Variants in POU2F2 observed in about 807,000 individuals in gnomAD.
POU2F2 encodes the protein POU domain, class 2, transcription factor 2.
In POU2F2, 14 loss-of-function variants were observed where a neutral mutation model predicts 63.5. That is an observed-to-expected ratio of 0.22 (90% confidence interval 0.15 to 0.34). POU2F2 has a LOEUF of 0.34. POU2F2 is among the 10% of genes least tolerant of loss of function. POU2F2 has a pLI of 1.00. For missense variants in POU2F2, 607 were observed against 815.2 expected, an observed-to-expected ratio of 0.74 and a Z score of 3.11; for synonymous variants, 306 against 348.6, an observed-to-expected ratio of 0.88 and a Z score of 1.36.
chr19:42,097,005 G>GA (rs891350078), intron 7 of POU2F2, among the ~76,000 whole-genome samples: 139 of 130,530 alleles, frequency 1.1e-3, no homozygotes, highest in East Asian at 3.1e-3. Context: ...TAAAAGTTAA[G>GA]AAAAAAAAAA....
intron 1 of POU2F2, among the ~76,000 whole-genome samples, chr19:42,171,773 A>G (rs573170032): frequency 6.6e-6 from 1 of 152,098 alleles, no homozygotes; most frequent in Admixed American, 6.5e-5. Context: ...ACAGCCCTAT[A>G]CTTTATAGGA....
At position 42,097,966 on chromosome 19, in the gene POU2F2, A is replaced by T. The variant is rs560400956; in HGVS notation, c.567+1561T>A. Among the ~76,000 whole-genome samples the T allele has an allele frequency of 7.2e-5, 11 of 152,196 alleles. No homozygotes were observed. The East Asian group carries it at 2.1e-3, about 29-fold the overall frequency. On this transcript the variant is annotated intron_variant, in intron 7 of 14. Transcript: ENST00000692977. ...TCATCCACCCACTCTCACCCCTCTC[A>T]GGTTTTGTTGTTGTTGTTGTTTTAG...
Position 42,091,536 on chromosome 19 carries a change from C to T in POU2F2, c.1596G>A (p.Leu532=), listed in dbSNP as rs1210793995. The T allele has an allele frequency of 1.3e-6, 2 of 1,547,878 alleles. No individual in the cohort carries two copies. The highest frequency in any genetic ancestry group is 1.7e-6 in the Non-Finnish European group (2 of 1,144,556). ...GGGCTGCACCGGCTGCCCCCAGCAC[C>T]AGATTCCCGCTGCCATCAAGGCTGG... ...PLTSLDGSGN[L]VLGAAGAAPG... The change falls in exon 15 of 15, where the codon CTG becomes CTA. Residue 532 remains leucine (L), a synonymous_variant. Transcript: ENST00000692977.
Position 42,095,165 on chromosome 19 carries a change from C to T in POU2F2, c.1197+121G>A, listed in dbSNP as rs1331443586. The stretch of plus-strand genomic sequence containing the variant: ...TGTGCCCATCTACGTGATGGCCTGT[C>T]TCCAAGAGTGACTCTTCTTGTCTCT... On this transcript the variant is annotated intron_variant, in intron 11 of 14. Coordinates refer to ENST00000692977, the MANE Select transcript of POU2F2 (RefSeq NM_001394376.1). The surrounding 1 kb of genome is among the most constrained non-coding windows in gnomAD (Gnocchi z 7.1). The T allele has an allele frequency of 1.6e-6, 2 of 1,283,222 alleles. No individual in the cohort carries two copies. The allele number at this position is 1,283,222 out of a possible 1,614,324, so 79.5% of individuals were successfully genotyped here.
chr19:42,091,990 T>A (rs554383414), intron 13 of POU2F2, 50 bp from the exon 14 acceptor site: 70 of 1,536,040 alleles, frequency 4.6e-5, no homozygotes, highest in Non-Finnish European at 6.0e-5. Context: ...CCTGCCAACA[T>A]AACTGGGGTG....
At chr19:42,133,394 C>A (rs970747965), upstream of POU2F2, 1 of 153,478 alleles carries the variant, frequency 6.5e-6, no homozygotes, top group African/African-American at 2.4e-5. The surrounding 1 kb of genome is among the most constrained non-coding windows in gnomAD (Gnocchi z 5.1). Flanking sequence ...ACTCCCGGCG[C>A]ACCGCAGCTC....
intron 2 of POU2F2, among the ~76,000 whole-genome samples, chr19:42,144,832 C>T (rs147743146): frequency 3.2e-4 from 49 of 152,358 alleles, no homozygotes; most frequent in African/African-American, 1.0e-3. Flanking sequence ...AAGCCAATTC[C>T]AGAGCCCAGC....
rs559108982 is a variant in POU2F2 at position 42,092,329 on chromosome 19, A to G, written c.1265-59T>C. ...GCTTCCACTCGTCCCCCACTGAGGA[A>G]CCTGGGGTCAGCTCCTACTTGTCCT... On this transcript the variant is annotated intron_variant, in intron 12 of 14. Transcript: ENST00000692977. The surrounding 1 kb of genome is among the most constrained non-coding windows in gnomAD (Gnocchi z 5.0). 7.6e-6 allele frequency: 10 copies of G among 1,323,682 alleles called. No individual in the cohort carries two copies. In the Admixed American group the frequency reaches 1.6e-4, roughly 21 times the overall value. 82.0% of individuals were successfully genotyped at this position (1,323,682 alleles called of 1,614,324 possible). A position where few individuals can be genotyped will look rare whatever the true frequency, so the allele number is the denominator to read the frequency against.
chr19:42,103,082 G>A (rs1383101366), intron 5 of POU2F2, among the ~76,000 whole-genome samples: 1 of 150,466 alleles, frequency 6.6e-6, no homozygotes, highest in African/African-American at 2.5e-5. Context: ...CTTTATACAT[G>A]CCGTTCCCTC....
chr19:42,188,246 G>C (rs1026423117), intron 1 of POU2F2, among the ~76,000 whole-genome samples: 6 of 151,450 alleles, frequency 4.0e-5, no homozygotes, highest in Non-Finnish European at 8.8e-5. Context: ...CGTGCCTGTG[G>C]TCCCAGATAC....
intron 5 of POU2F2, among the ~76,000 whole-genome samples, chr19:42,101,357 A>C (rs1411440054): frequency 1.3e-5 from 2 of 151,948 alleles, no homozygotes; most frequent in Non-Finnish European, 2.9e-5. Flanking sequence ...GCAGATGATC[A>C]AGTTAAAATG....
At chr19:42,151,310 A>G (rs910580966) in intron 2 of POU2F2, among the ~76,000 whole-genome samples, 2 of 149,372 alleles carry the variant, frequency 1.3e-5, no homozygotes, top group Non-Finnish European at 3.0e-5. Flanking sequence ...CCATGGGCAG[A>G]AGGCGGGGGT....
At chr19:42,171,893 A>G (rs1230589285) in intron 1 of POU2F2, among the ~76,000 whole-genome samples, 1 of 152,172 alleles carries the variant, frequency 6.6e-6, no homozygotes, top group African/African-American at 2.4e-5. Flanking sequence ...AAGCACACTC[A>G]TGCTCATAGA....
chr19:42,087,067 T>A lies in POU2F2; in HGVS notation c.*4190A>T, dbSNP rs1007491883. On this transcript the variant is annotated 3_prime_UTR_variant, in exon 15 of 15. Transcript: ENST00000692977. ...GCGGCTTGGAGTTTTTGTGTATTTT[T>A]TTTTATTTTTATTTTTAATTTTTTT... 2.5e-4 allele frequency: 38 copies of A among 151,770 alleles called. No homozygotes were observed. Among genetic ancestry groups the A allele is most frequent in the African/African-American group, 9.2e-4 (38 of 41,406 alleles). 9.4% of individuals were successfully genotyped at this position (151,770 alleles called of 1,614,324 possible). A position where few individuals can be genotyped will look rare whatever the true frequency, so the allele number is the denominator to read the frequency against.
At chr19:42,133,441 C>T (rs959549455), upstream of POU2F2, 1 of 154,680 alleles carries the variant, frequency 6.5e-6, no homozygotes, top group Admixed American at 6.5e-5. The surrounding 1 kb of genome is among the most constrained non-coding windows in gnomAD (Gnocchi z 5.1). Flanking sequence ...CCCTCTTCCT[C>T]TTGGTGCCCG....
In POU2F2 at chr19:42,093,740, A is replaced by G. The variant is rs1335456819; in HGVS notation, c.1264+89T>C. The G allele has an allele frequency of 2.2e-6, 3 of 1,360,674 alleles. No individual in the cohort carries two copies. In the African/African-American group the frequency reaches 4.3e-5, roughly 20 times the overall value. The allele number at this position is 1,360,674 out of a possible 1,614,324, so 84.3% of individuals were successfully genotyped here. ...CTCCCCAGGCCCAGTCTTGAGGCCC[A>G]TGGACACCCAGAGCCACTTGGGAAC... On this transcript the variant is annotated intron_variant, in intron 12 of 14. Transcript: ENST00000692977.
At chr19:42,176,418 C>A (rs1276078519), upstream of POU2F2, among the ~76,000 whole-genome samples, 3 of 152,154 alleles carry the variant, frequency 2.0e-5, no homozygotes, top group South Asian at 2.1e-4. Context: ...CTCAGCTCTG[C>A]GGCCGTCAGG....
At chr19:42,145,109 C>T (rs1461413653) in intron 2 of POU2F2, among the ~76,000 whole-genome samples, 2 of 152,364 alleles carry the variant, frequency 1.3e-5, no homozygotes, top group East Asian at 3.9e-4. Context: ...TTGAATGACA[C>T]TGCCAGACCA....
chr19:42,143,609 C>G (rs1301749133), intron 2 of POU2F2, among the ~76,000 whole-genome samples: 1 of 152,194 alleles, frequency 6.6e-6, no homozygotes, highest in East Asian at 1.9e-4. Flanking sequence ...GCAAAGCGAG[C>G]CAGCTTCAAG....
Sources: allele counts gnomAD v4.1 joint callset (sites outside exome capture counted in the v4.1 genomes callset), GRCh38; gene constraint gnomAD v4.1.1; non-coding constraint Gnocchi (gnomAD v3.1); transcripts MANE v1.5; gene names NCBI Gene and HGNC (gene_info 2026-07-23, HGNC 2026-07-21).